The following GNG4 variants were observed in gnomAD, a reference collection of about 807,000 sequenced individuals.
GNG4 encodes G protein subunit gamma 4, also known as guanine nucleotide-binding protein G(I)/G(S)/G(O) subunit gamma-4.
In GNG4, 4 loss-of-function variants were observed where a neutral mutation model predicts 5.8. That is an observed-to-expected ratio of 0.69 (90% CI 0.34 to 1.57). The LOEUF is 1.57. Ranked by LOEUF, GNG4 falls within the 40% of genes most tolerant of loss-of-function variation. The pLI, the probability that GNG4 is intolerant of heterozygous loss-of-function variation, is 0.06. For synonymous variants in GNG4, 29 were observed against 32.9 expected, an observed-to-expected ratio of 0.88 and a Z score of 0.41; for missense variants, 96 against 95.1, an observed-to-expected ratio of 1.01 and a Z score of -0.04.
At chr1:235,611,541 G>T (rs1688474893) in intron 1 of GNG4, among the ~76,000 whole-genome samples, 1 of 152,120 alleles carries the variant, frequency 6.6e-6, no homozygotes, top group South Asian at 2.1e-4. Context: ...TTTGACCATT[G>T]GTTGGATGTA....
At chr1:235,621,355 A>ATG (rs1688708254) in intron 1 of GNG4, among the ~76,000 whole-genome samples, 1 of 130,814 alleles carries the variant, frequency 7.6e-6, no homozygotes, top group African/African-American at 3.0e-5. Flanking sequence ...GCAGTGGCTC[A>ATG]ATCTTGGCTC....
chr1:235,612,065 C>CAAAAAA (rs68070269), intron 1 of GNG4, among the ~76,000 whole-genome samples: 1 of 93,492 alleles, frequency 1.1e-5, no homozygotes, highest in African/African-American at 4.5e-5. Flanking sequence ...CTTTGTCTCA[C>CAAAAAA]AAAAAAAAAA....
Position 235,589,698 on chromosome 1 carries a change from C to A in GNG4, c.-11+5702G>T, listed in dbSNP as rs74406846. 2.3e-3 allele frequency among the ~76,000 whole-genome samples: 355 copies of A among 152,218 alleles called. 4 individuals carry two copies. In the East Asian group the frequency reaches 0.055, roughly 24 times the overall value. ...TCATAGGGAGGGTTTTCCTCCCCGACGGAGGGACAAGGGGAGAAAGCTCTG... is the reference window on the plus strand; with the variant it reads ...TCATAGGGAGGGTTTTCCTCCCCGAAGGAGGGACAAGGGGAGAAAGCTCTG... On this transcript the variant is annotated intron_variant, in intron 2 of 3. Transcript: ENST00000391854.
At chr1:235,614,403 T>C (rs1688544200) in intron 1 of GNG4, among the ~76,000 whole-genome samples, 1 of 152,232 alleles carries the variant, frequency 6.6e-6, no homozygotes, top group South Asian at 2.1e-4. Context: ...TCTGCTTTAT[T>C]ATTCTATATT....
intron 2 of GNG4, among the ~76,000 whole-genome samples, chr1:235,589,269 G>T (rs186472744): frequency 3.9e-4 from 59 of 152,310 alleles, no homozygotes; most frequent in Non-Finnish European, 6.0e-4. Flanking sequence ...TGTCCATTTT[G>T]CAGGTAGACA....
intron 2 of GNG4, among the ~76,000 whole-genome samples, chr1:235,586,556 A>G (rs1687764394): frequency 6.6e-6 from 1 of 152,322 alleles, no homozygotes; most frequent in East Asian, 1.9e-4. Context: ...CCAATGTGGG[A>G]GGTGGGTCCT....
intron 3 of GNG4, among the ~76,000 whole-genome samples, chr1:235,565,180 T>A (rs1687163338): frequency 6.6e-6 from 1 of 152,076 alleles, no homozygotes; most frequent in South Asian, 2.1e-4. Flanking sequence ...AGGAAGGTCG[T>A]CTCTGAGCAA....
chr1:235,601,235 G>A (rs1376537315), intron 1 of GNG4, among the ~76,000 whole-genome samples: 7 of 152,194 alleles, frequency 4.6e-5, no homozygotes, highest in Non-Finnish European at 8.8e-5. Flanking sequence ...TCCAAGCAAT[G>A]GATGAAAGAT....
intron 1 of GNG4, among the ~76,000 whole-genome samples, chr1:235,613,608 C>T (rs1449343733): frequency 6.6e-6 from 1 of 152,108 alleles, no homozygotes; most frequent in African/African-American, 2.4e-5. Flanking sequence ...AGGGAAGTGT[C>T]CAGCCTCTAG....
rs1481208557 is a variant in GNG4 at position 235,552,156 on chromosome 1, A to G, written c.181T>C (p.Ser61Pro). 1.2e-6 allele frequency: 2 copies of G among 1,613,934 alleles called. No homozygotes were observed. The highest frequency in any genetic ancestry group is 1.7e-5 in the Admixed American group (1 of 60,024). The change falls in exon 4 of 4, where the codon TCA becomes CCA. Residue 61 changes from serine (S) to proline (P), a missense_variant. Ser to Pro is a moderately conservative substitution (Grantham distance 74, BLOSUM62 -1). Transcript: ENST00000391854. ...EDPLIIPVPA[S>P]ENPFREKKFF... ...TTCTTCTCGCGAAAGGGGTTTTCTG[A>G]TGCAGGCACTGGAATGATGAGAGGA...
At chr1:235,554,700 C>T (rs1686847257) in intron 3 of GNG4, among the ~76,000 whole-genome samples, 1 of 152,068 alleles carries the variant, frequency 6.6e-6, no homozygotes, top group Non-Finnish European at 1.5e-5. Flanking sequence ...AAAAAATTAG[C>T]CAGGCGTGGT....
At chr1:235,632,087 C>T (rs1015281455) in intron 1 of GNG4, among the ~76,000 whole-genome samples, 1 of 152,144 alleles carries the variant, frequency 6.6e-6, no homozygotes, top group African/African-American at 2.4e-5. Flanking sequence ...CATGTTTTTC[C>T]TTCTTTCTTT....
chr1:235,591,749 G>T lies in GNG4; in HGVS notation c.-11+3651C>A, dbSNP rs544801558. Reference sequence around the variant, plus strand: ...TCGGCTTTCCAGAAGATGAGGCAAGGGGGAAAAGGGACCATTTGCTTAGGG... The same window carrying T: ...TCGGCTTTCCAGAAGATGAGGCAAGTGGGAAAAGGGACCATTTGCTTAGGG... On this transcript the variant is annotated intron_variant, in intron 2 of 3. Transcript: ENST00000391854. Among the ~76,000 whole-genome samples the T allele has an allele frequency of 4.3e-3, 648 of 152,344 alleles. 3 individuals carry two copies. The highest frequency in any genetic ancestry group is 0.015 in the African/African-American group (628 of 41,586).
At chr1:235,560,156 G>A (rs1224117078) in intron 3 of GNG4, among the ~76,000 whole-genome samples, 1 of 152,210 alleles carries the variant, frequency 6.6e-6, no homozygotes, top group Non-Finnish European at 1.5e-5. Flanking sequence ...TCCTGTAAAC[G>A]AGAACGGCAA....
At chr1:235,638,124 C>T (rs990108171) in intron 1 of GNG4, among the ~76,000 whole-genome samples, 9 of 152,182 alleles carry the variant, frequency 5.9e-5, no homozygotes, top group African/African-American at 7.2e-5. Flanking sequence ...CCCTTCCAGG[C>T]GGGAGGAACA....
chr1:235,568,759 A>G (rs1687264798), intron 3 of GNG4, among the ~76,000 whole-genome samples: 1 of 150,458 alleles, frequency 6.6e-6, no homozygotes, highest in African/African-American at 2.4e-5. Context: ...TCCTTCATCA[A>G]ATGACAACTC....
intron 1 of GNG4, among the ~76,000 whole-genome samples, chr1:235,610,993 C>T (rs1018932485): frequency 6.6e-6 from 1 of 152,170 alleles, no homozygotes; most frequent in African/African-American, 2.4e-5. Flanking sequence ...GAGGCTGAGG[C>T]AGGAGAATCA....
chr1:235,576,206 G>A (rs1002517342), intron 3 of GNG4, among the ~76,000 whole-genome samples: 5 of 148,010 alleles, frequency 3.4e-5, no homozygotes, highest in South Asian at 2.2e-4. Context: ...GACTACAGGC[G>A]CGTGCCACCA....
At chr1:235,640,719 A>C (rs1657300077) in intron 1 of GNG4, among the ~76,000 whole-genome samples, 1 of 152,164 alleles carries the variant, frequency 6.6e-6, no homozygotes, top group Non-Finnish European at 1.5e-5. Flanking sequence ...TTCGGACCTG[A>C]GGGTCTCTGA....
Sources: allele counts gnomAD v4.1 joint callset (sites outside exome capture counted in the v4.1 genomes callset), GRCh38; gene constraint gnomAD v4.1.1; transcripts MANE v1.5; gene names NCBI Gene and HGNC (gene_info 2026-07-23, HGNC 2026-07-21).